PKNOX2: variants seen among roughly 807,000 people sequenced by gnomAD.
The protein encoded by PKNOX2 is homeobox protein PKNOX2.
In PKNOX2, 14 loss-of-function variants were observed where a neutral mutation model predicts 53.1. That is an observed-to-expected ratio of 0.26 (90% CI 0.17 to 0.41). PKNOX2 has a LOEUF of 0.41. PKNOX2 is among the 10% of genes least tolerant of loss of function. The pLI, the probability that PKNOX2 is intolerant of heterozygous loss-of-function variation, is 1.00. For synonymous variants in PKNOX2, 257 were observed against 242.8 expected, an observed-to-expected ratio of 1.06 and a Z score of -0.54; for missense variants, 496 against 602.8, an observed-to-expected ratio of 0.82 and a Z score of 1.85.
chr11:125,429,829 G>A, intron 11 of PKNOX2, 134 bp from the exon 12 acceptor site: 1 of 1,053,542 alleles, frequency 9.5e-7, no homozygotes, highest in East Asian at 2.5e-5. Context: ...CCTCCTTGCT[G>A]GGCTTTTACA....
chr11:125,220,088 C>G (rs573197812), intron 1 of PKNOX2, among the ~76,000 whole-genome samples: 4 of 152,010 alleles, frequency 2.6e-5, no homozygotes, highest in African/African-American at 9.7e-5. Flanking sequence ...AGAAAGTTTT[C>G]TTTGTACTGA....
At position 125,265,709 on chromosome 11, in the gene PKNOX2, C is replaced by T. The variant is rs541358750; in HGVS notation, c.-130+30594C>T. Among the ~76,000 whole-genome samples the T allele has an allele frequency of 2.0e-5, 3 of 152,282 alleles. No individual in the cohort carries two copies. In the East Asian group the frequency reaches 5.8e-4, roughly 29 times the overall value. On this transcript the variant is annotated intron_variant, in intron 2 of 12. Transcript: ENST00000298282. ...TCAGCTCAGCCCCCACCCCAATGGT[C>T]CCCAGAGGGTTGCGGGTCATCTGTG...
At chr11:125,218,408 G>C (rs1460934552) in intron 1 of PKNOX2, among the ~76,000 whole-genome samples, 3 of 148,296 alleles carry the variant, frequency 2.0e-5, no homozygotes, top group Admixed American at 6.7e-5. Context: ...TGGCAGTGAT[G>C]GGGGGGGGAC....
At chr11:125,268,202 A>G (rs1448770315) in intron 2 of PKNOX2, among the ~76,000 whole-genome samples, 1 of 152,216 alleles carries the variant, frequency 6.6e-6, no homozygotes, top group Non-Finnish European at 1.5e-5. Context: ...CAACGCAGAC[A>G]GGTCACTTGG....
intron 2 of PKNOX2, among the ~76,000 whole-genome samples, chr11:125,307,928 AT>A (rs1948568058): frequency 6.6e-6 from 1 of 152,248 alleles, no homozygotes; most frequent in Non-Finnish European, 1.5e-5. Flanking sequence ...AATGTCTTCA[AT>A]TTGGAAACAC....
chr11:125,172,074 C>T (rs1352030920), intron 1 of PKNOX2, among the ~76,000 whole-genome samples: 1 of 152,190 alleles, frequency 6.6e-6, no homozygotes, highest in Non-Finnish European at 1.5e-5. Context: ...GGCTGAGCGG[C>T]TGGCCAGTGG....
At chr11:125,371,606 G>A (rs978496129) in intron 5 of PKNOX2, among the ~76,000 whole-genome samples, 1 of 152,114 alleles carries the variant, frequency 6.6e-6, no homozygotes, top group Non-Finnish European at 1.5e-5. Flanking sequence ...ATGGTGTCCT[G>A]AGGAGCGGAA....
intron 6 of PKNOX2, among the ~76,000 whole-genome samples, chr11:125,389,606 A>G (rs1251048162): frequency 6.6e-6 from 1 of 152,208 alleles, no homozygotes; most frequent in South Asian, 2.1e-4. Context: ...TGGGCCCACC[A>G]GCCTCTGACT....
At chr11:125,261,992 G>A (rs767890016) in intron 2 of PKNOX2, among the ~76,000 whole-genome samples, 8 of 152,206 alleles carry the variant, frequency 5.3e-5, no homozygotes, top group Non-Finnish European at 1.2e-4. Flanking sequence ...AGCCCAGGAG[G>A]GTGCGGGGAT....
chr11:125,388,284 G>A (rs553934387), intron 6 of PKNOX2, among the ~76,000 whole-genome samples: 5 of 152,120 alleles, frequency 3.3e-5, no homozygotes, highest in African/African-American at 4.8e-5. Context: ...GTCAGATCGC[G>A]TCATTATCAG....
At chr11:125,369,421 C>T (rs1403567847) in intron 5 of PKNOX2, among the ~76,000 whole-genome samples, 3 of 152,336 alleles carry the variant, frequency 2.0e-5, no homozygotes, top group Non-Finnish European at 4.4e-5. Context: ...GATGGACCTC[C>T]TTCCCTCTGC....
rs746872813 is a variant in PKNOX2, at chr11:125,334,602, TC to T, written c.-23+2678del. 5.7e-3 allele frequency among the ~76,000 whole-genome samples: 626 copies of T among 109,276 alleles called. 7 individuals are homozygous for T. The highest frequency in any genetic ancestry group is 0.04 in the African/African-American group (574 of 14,268). The allele number at this position is 109,276 out of a possible 152,430, so 71.7% of individuals were successfully genotyped here. ...TTAAGTTTTCGTTTTTTTTTTTTTT[TC>T]TTTTCATTTTTTTGAGACAGGGTCT... On this transcript the variant is annotated intron_variant, in intron 3 of 12. Coordinates refer to ENST00000298282, the MANE Select transcript of PKNOX2 (RefSeq NM_001382323.2).
At position 125,165,615 on chromosome 11, in the gene PKNOX2, C is replaced by G. The variant is rs1377759492; in HGVS notation, c.-201+839C>G. Among the ~76,000 whole-genome samples the G allele has an allele frequency of 6.6e-6, 1 of 152,138 alleles. No homozygotes were observed. Among genetic ancestry groups the G allele is most frequent in the Non-Finnish European group, 1.5e-5 (1 of 68,010 alleles). ...GAGACAGGGGAACACCGGCGGGGCCCGGGAAGCCAGGATCCGAGGGGCTAC... is the reference window on the plus strand; with the variant it reads ...GAGACAGGGGAACACCGGCGGGGCCGGGGAAGCCAGGATCCGAGGGGCTAC... On this transcript the variant is annotated intron_variant, in intron 1 of 12. Coordinates refer to ENST00000298282, the MANE Select transcript of PKNOX2 (RefSeq NM_001382323.2). The surrounding 1 kb of genome is among the most constrained non-coding windows in gnomAD (Gnocchi z 4.5).
intron 2 of PKNOX2, among the ~76,000 whole-genome samples, chr11:125,315,318 A>C (rs1010548703): frequency 4.6e-5 from 7 of 151,470 alleles, no homozygotes; most frequent in East Asian, 1.9e-4. Context: ...AAAAAAAAAA[A>C]AAAAAAAAAA....
At chr11:125,287,091 G>A (rs924811186) in intron 2 of PKNOX2, among the ~76,000 whole-genome samples, 2 of 152,156 alleles carry the variant, frequency 1.3e-5, no homozygotes, top group African/African-American at 4.8e-5. Context: ...TCAGGCATTT[G>A]CTGTTGACAG....
chr11:125,204,036 A>T lies in PKNOX2; in HGVS notation c.-200-31009A>T, dbSNP rs1938770214. ...CCTCCTGGAATTGCCTTCCCCAGAG[A>T]CGTGTGGAGAGGGGGGAGGCAGGGA... is the stretch of plus-strand genomic sequence containing the variant. On this transcript the variant is annotated intron_variant, in intron 1 of 12. Transcript: ENST00000298282. 2.0e-5 allele frequency among the ~76,000 whole-genome samples: 3 copies of T among 152,060 alleles called. No individual in the cohort carries two copies. The South Asian group carries it at 6.2e-4, about 32-fold the overall frequency.
intron 2 of PKNOX2, among the ~76,000 whole-genome samples, chr11:125,329,808 T>C (rs56898949): frequency 0.12 from 17,635 of 151,770 alleles, 2,219 homozygotes; most frequent in African/African-American, 0.32. Flanking sequence ...GGTTGGAGAG[T>C]AGAGAGCCAT....
chr11:125,206,511 C>T (rs1939127765), intron 1 of PKNOX2, among the ~76,000 whole-genome samples: 1 of 152,054 alleles, frequency 6.6e-6, no homozygotes, highest in Non-Finnish European at 1.5e-5. Context: ...GCCTCAAATG[C>T]CTTGCTAAGG....
intron 4 of PKNOX2, among the ~76,000 whole-genome samples, chr11:125,360,997 G>A (rs1951895051): frequency 6.6e-6 from 1 of 152,158 alleles, no homozygotes; most frequent in African/African-American, 2.4e-5. Flanking sequence ...GCTCTGGGCT[G>A]GACACCCAAA....
Sources: allele counts gnomAD v4.1 joint callset (sites outside exome capture counted in the v4.1 genomes callset), GRCh38; gene constraint gnomAD v4.1.1; non-coding constraint Gnocchi (gnomAD v3.1); transcripts MANE v1.5; gene names NCBI Gene and HGNC (gene_info 2026-07-23, HGNC 2026-07-21).